Variants in AGBL4 observed in about 807,000 individuals in gnomAD.
AGBL4 encodes cytosolic carboxypeptidase 6.
AGBL4 carries 58 observed loss-of-function variants against 66.4 expected under a neutral mutation model. The ratio of observed to expected loss-of-function variants is 0.87; its 90% CI spans 0.71 to 1.09. The LOEUF (loss-of-function observed/expected upper bound fraction) is 1.09, where lower values mean the gene tolerates loss of function less well. Among genes scored for constraint, AGBL4 ranks in the 50% least tolerant of loss-of-function variants. AGBL4 has a pLI of 0.00. For synonymous variants in AGBL4, 234 were observed against 222.9 expected (o/e 1.05, Z -0.44); for missense variants, 579 against 631.0 (o/e 0.92, Z 0.88).
intron 1 of AGBL4, among the ~76,000 whole-genome samples, chr1:49,964,489 A>G (rs939298764): frequency 9.2e-5 from 14 of 152,136 alleles, no homozygotes; most frequent in Non-Finnish European, 5.9e-5. Context: ...TAAGATTTTT[A>G]TCTCTAAGAA....
At chr1:49,018,987 C>T (rs893372063) in intron 5 of AGBL4, among the ~76,000 whole-genome samples, 1 of 152,096 alleles carries the variant, frequency 6.6e-6, no homozygotes. Flanking sequence ...AAAAAACAAA[C>T]GATTCTGGCT....
chr1:49,284,201 G>C (rs897597223), intron 3 of AGBL4, among the ~76,000 whole-genome samples: 10 of 152,172 alleles, frequency 6.6e-5, no homozygotes, highest in South Asian at 2.1e-4. Context: ...AGCCAGAAGA[G>C]AGTGGGGGCC....
chr1:49,913,691 C>T (rs1196773686), intron 1 of AGBL4, among the ~76,000 whole-genome samples: 1 of 152,262 alleles, frequency 6.6e-6, no homozygotes, highest in African/African-American at 2.4e-5. Context: ...GCCTGGGCAA[C>T]TAGGCTATTT....
intron 9 of AGBL4, among the ~76,000 whole-genome samples, chr1:48,621,725 A>G (rs1181767479): frequency 4.6e-5 from 7 of 152,126 alleles, no homozygotes; most frequent in African/African-American, 1.7e-4. Flanking sequence ...ATAAACATCC[A>G]TTATATGAAT....
chr1:49,978,866 C>T (rs1029230439), intron 1 of AGBL4, among the ~76,000 whole-genome samples: 1 of 152,114 alleles, frequency 6.6e-6, no homozygotes, highest in Non-Finnish European at 1.5e-5. Flanking sequence ...TTTAATAAAA[C>T]ACATGTGAGC....
At chr1:49,435,072 G>A (rs1645873025) in intron 3 of AGBL4, among the ~76,000 whole-genome samples, 1 of 152,062 alleles carries the variant, frequency 6.6e-6, no homozygotes, top group African/African-American at 2.4e-5. Context: ...CCTTTCCTGA[G>A]TACTTCCTAT....
Position 48,589,063 on chromosome 1 carries a change from C to T in AGBL4, c.1104+1770G>A, listed in dbSNP as rs72899174. 2.4e-3 allele frequency among the ~76,000 whole-genome samples: 372 copies of T among 152,228 alleles called. 4 individuals are homozygous for T. The highest frequency in any genetic ancestry group is 8.2e-3 in the African/African-American group (340 of 41,548). ...TTCCAGGGAACTTGGACTAAGGAGG[C>T]CACATTCTTTTCTGAAATTGCAGTG... On this transcript the variant is annotated intron_variant, in intron 10 of 13. Transcript: ENST00000371839.
intron 4 of AGBL4, among the ~76,000 whole-genome samples, chr1:49,093,747 C>T (rs1053945687): frequency 3.3e-5 from 5 of 152,074 alleles, no homozygotes; most frequent in African/African-American, 9.7e-5. Flanking sequence ...GAGCCAAAAC[C>T]AAAACCTAGG....
At chr1:49,981,443 C>A (rs766885092) in intron 1 of AGBL4, among the ~76,000 whole-genome samples, 1 of 151,970 alleles carries the variant, frequency 6.6e-6, no homozygotes, top group African/African-American at 2.4e-5. Flanking sequence ...TTTAACTGAC[C>A]TTTCCAATTA....
intron 3 of AGBL4, among the ~76,000 whole-genome samples, chr1:49,694,802 G>C (rs959884448): frequency 1.3e-5 from 2 of 152,112 alleles, no homozygotes; most frequent in East Asian, 3.9e-4. Context: ...AACATTGTGT[G>C]AGAAACTTGT....
rs573680664 is a variant in AGBL4 at position 49,097,584 on chromosome 1, A to G, written c.378-51784T>C. Among the ~76,000 whole-genome samples, 5 of 152,266 alleles carry G rather than the reference A, an allele frequency of 3.3e-5. No homozygotes were observed. In the East Asian group the frequency reaches 9.6e-4, roughly 29 times the overall value. On this transcript the variant is annotated intron_variant, in intron 4 of 13. Transcript: ENST00000371839. ...ACTAGAAAGACTTTGGCTCTAGACAATTTTTTATTTTTGTGAGACAAGAAT... is the reference window on the plus strand; with the variant it reads ...ACTAGAAAGACTTTGGCTCTAGACAGTTTTTTATTTTTGTGAGACAAGAAT...
intron 3 of AGBL4, among the ~76,000 whole-genome samples, chr1:49,528,553 T>C (rs1650849860): frequency 6.6e-6 from 1 of 152,030 alleles, no homozygotes; most frequent in Non-Finnish European, 1.5e-5. Flanking sequence ...CCACCTCAAA[T>C]TACTTATTAA....
intron 6 of AGBL4, among the ~76,000 whole-genome samples, chr1:48,832,425 G>A (rs1217966227): frequency 2.0e-5 from 3 of 152,110 alleles, no homozygotes; most frequent in Admixed American, 6.5e-5. Context: ...CTGCTCTAAT[G>A]GCATCAATAA....
chr1:49,748,244 G>A (rs888377548), intron 2 of AGBL4, among the ~76,000 whole-genome samples: 2 of 152,020 alleles, frequency 1.3e-5, no homozygotes, highest in Admixed American at 6.6e-5. Flanking sequence ...TCCCACTTAT[G>A]AGTGAGAACA....
chr1:49,074,630 A>T (rs1019131354), intron 4 of AGBL4, among the ~76,000 whole-genome samples: 1 of 152,190 alleles, frequency 6.6e-6, no homozygotes, highest in Non-Finnish European at 1.5e-5. Context: ...GCCCTCATTT[A>T]AAGAAAAAGT....
At chr1:49,695,444 G>C (rs1481878698) in intron 3 of AGBL4, among the ~76,000 whole-genome samples, 1 of 152,122 alleles carries the variant, frequency 6.6e-6, no homozygotes, top group East Asian at 1.9e-4. Flanking sequence ...CAGTAACACA[G>C]ACTTTGGAAA....
chr1:49,339,025 T>C (rs1010629358), intron 3 of AGBL4, among the ~76,000 whole-genome samples: 1 of 152,134 alleles, frequency 6.6e-6, no homozygotes, highest in African/African-American at 2.4e-5. Flanking sequence ...TTAAGCATTT[T>C]ACTTAAGGGA....
At chr1:49,108,650 T>G (rs2148015438) in intron 4 of AGBL4, among the ~76,000 whole-genome samples, 1 of 152,170 alleles carries the variant, frequency 6.6e-6, no homozygotes, top group East Asian at 1.9e-4. Flanking sequence ...GAACGTTCAG[T>G]GTTATTGACA....
intron 5 of AGBL4, among the ~76,000 whole-genome samples, chr1:48,887,699 G>C (rs917384384): frequency 3.3e-5 from 5 of 152,108 alleles, no homozygotes; most frequent in Non-Finnish European, 2.9e-5. Context: ...TGCTTTTCAA[G>C]ATCCGAGCAA....
Sources: allele counts gnomAD v4.1 joint callset (sites outside exome capture counted in the v4.1 genomes callset), GRCh38; gene constraint gnomAD v4.1.1; transcripts MANE v1.5; gene names NCBI Gene and HGNC (gene_info 2026-07-23, HGNC 2026-07-21).